The following ADCY1 variants were observed in gnomAD, a reference collection of about 807,000 sequenced individuals.
The protein encoded by ADCY1 is adenylate cyclase 1.
ADCY1 carries 28 observed loss-of-function variants against 105.4 expected under a neutral mutation model. The ratio of observed to expected loss-of-function variants is 0.27; its 90% CI spans 0.20 to 0.36. The LOEUF is 0.36. ADCY1 is among the 10% of genes least tolerant of loss of function. The pLI, the probability that ADCY1 is intolerant of heterozygous loss-of-function variation, is 1.00. For missense variants in ADCY1, 977 were observed against 1,434.2 expected (o/e 0.68, Z 5.15); for synonymous variants, 655 against 623.8 (o/e 1.05, Z -0.75).
intron 14 of ADCY1, among the ~76,000 whole-genome samples, chr7:45,700,787 CGTT>C (rs1385302547): frequency 3.3e-5 from 5 of 152,284 alleles, no homozygotes; most frequent in Middle Eastern, 3.4e-3. Flanking sequence ...GTAGTAAACA[CGTT>C]GTTGATTCCA....
chr7:45,654,086 G>A (rs1794880743), intron 5 of ADCY1, among the ~76,000 whole-genome samples: 1 of 152,220 alleles, frequency 6.6e-6, no homozygotes, highest in Admixed American at 6.5e-5. Flanking sequence ...GGCCTGCATG[G>A]ACTGGGTTCT....
rs779087253 is a variant in ADCY1 at position 45,710,697 on chromosome 7, A to C, written c.3057+45A>C. 6.4e-7 allele frequency: 1 copy of C among 1,570,614 alleles called. No homozygotes were observed. Among genetic ancestry groups the C allele is most frequent in the Middle Eastern group, 1.7e-4 (1 of 5,854 alleles). On this transcript the variant is annotated intron_variant, in intron 19 of 19. Transcript: ENST00000297323. This position sits in a 1 kb window ranked among gnomAD's most constrained non-coding sequence, Gnocchi z 4.7. ...CCTAAGGCATGGGTGCCCATTCTTCAGGTGAGGAAACTGAGGCACAGGGGG... is the reference window on the plus strand; with the variant it reads ...CCTAAGGCATGGGTGCCCATTCTTCCGGTGAGGAAACTGAGGCACAGGGGG...
Position 45,708,245 on chromosome 7 carries a change from A to G in ADCY1, c.2818-105A>G. The G allele has an allele frequency of 4.2e-6, 3 of 709,092 alleles. No individual in the cohort carries two copies. Among genetic ancestry groups the G allele is most frequent in the Non-Finnish European group, 7.6e-6 (3 of 396,264 alleles). 43.9% of individuals were successfully genotyped at this position (709,092 alleles called of 1,614,324 possible). On this transcript the variant is annotated intron_variant, in intron 17 of 19. Transcript: ENST00000297323. This position sits in a 1 kb window ranked among gnomAD's most constrained non-coding sequence, Gnocchi z 4.7. ...AATGTGCCTATAGCCAGGCACTCAG[A>G]GTGCCTTCCTCTGAAAGTGCAGCTG...
chr7:45,592,688 CG>C (rs1792957451), intron 1 of ADCY1, 70 bp from the exon 2 acceptor site: 1 of 1,595,152 alleles, frequency 6.3e-7, no homozygotes, highest in South Asian at 1.1e-5. Context: ...CTATGCTCTC[CG>C]GGCGGCCTAG....
At chr7:45,649,650 C>T (rs1459603137) in intron 5 of ADCY1, among the ~76,000 whole-genome samples, 2 of 152,222 alleles carry the variant, frequency 1.3e-5, no homozygotes, top group East Asian at 1.9e-4. Context: ...ATCACTGCCT[C>T]GTGGGCTGCC....
intron 3 of ADCY1, among the ~76,000 whole-genome samples, chr7:45,621,642 A>G (rs1429935333): frequency 1.3e-5 from 2 of 152,050 alleles, no homozygotes; most frequent in Non-Finnish European, 2.9e-5. Context: ...CCAATTCTGA[A>G]CCCTACTTCC....
chr7:45,689,202 C>T (rs1268446032), intron 14 of ADCY1, among the ~76,000 whole-genome samples: 1 of 152,032 alleles, frequency 6.6e-6, no homozygotes, highest in Non-Finnish European at 1.5e-5. Context: ...GTGGTGCGCT[C>T]ACTGTCAGCA....
intron 8 of ADCY1, among the ~76,000 whole-genome samples, chr7:45,676,105 C>A (rs1784452005): frequency 1.3e-5 from 2 of 151,334 alleles, no homozygotes; most frequent in Admixed American, 6.6e-5. Flanking sequence ...ATTTCTGTGA[C>A]TCTGTCTTCT....
Position 45,575,228 on chromosome 7 carries a change from T to C in ADCY1, c.639+46T>C. On this transcript the variant is annotated intron_variant, in intron 1 of 19. Coordinates refer to ENST00000297323, the MANE Select transcript of ADCY1 (RefSeq NM_021116.4). This position sits in a 1 kb window ranked among gnomAD's most constrained non-coding sequence, Gnocchi z 4.7. ...CTCATCTGGTCTCGGACACACTTGC[T>C]GGGACGATGCTGGGAATGCCCGGAG... 7.2e-6 allele frequency: 11 copies of C among 1,527,346 alleles called. No homozygotes were observed. Among genetic ancestry groups the C allele is most frequent in the Middle Eastern group, 2.4e-4 (1 of 4,118 alleles). 94.6% of individuals were successfully genotyped at this position (1,527,346 alleles called of 1,614,324 possible).
chr7:45,662,521 G>A (rs183119044), intron 8 of ADCY1, among the ~76,000 whole-genome samples: 1 of 152,172 alleles, frequency 6.6e-6, no homozygotes, highest in Admixed American at 6.5e-5. Flanking sequence ...TATTCATTCT[G>A]GACAGATGTG....
chr7:45,703,128 G>A lies in ADCY1; in HGVS notation c.2455-248G>A, dbSNP rs139300805. 4.5e-3 allele frequency among the ~76,000 whole-genome samples: 685 copies of A among 152,310 alleles called. 10 individuals carry two copies. Among genetic ancestry groups the A allele is most frequent in the South Asian group, 0.023 (113 of 4,824 alleles). ...GGGCAGGGCGGACCCTGGAAATGAGGTGAAGCCATAGTTTGTCCTTTGGAC... is the reference window on the plus strand; with the variant it reads ...GGGCAGGGCGGACCCTGGAAATGAGATGAAGCCATAGTTTGTCCTTTGGAC... On this transcript the variant is annotated intron_variant, in intron 14 of 19. Transcript: ENST00000297323. The surrounding 1 kb of genome is among the most constrained non-coding windows in gnomAD (Gnocchi z 5.9).
intron 14 of ADCY1, among the ~76,000 whole-genome samples, chr7:45,688,323 C>T (rs1243600801): frequency 6.6e-6 from 1 of 152,194 alleles, no homozygotes; most frequent in Admixed American, 6.5e-5. Context: ...TGGCCACGGG[C>T]CTTGTGCAAA....
intron 8 of ADCY1, chr7:45,664,541 A>C (rs1267186992): frequency 7.4e-7 from 1 of 1,346,150 alleles, no homozygotes; most frequent in Non-Finnish European, 9.7e-7. Context: ...ACAAAGATGC[A>C]CAAGGGAGAA....
At chr7:45,603,469 T>C (rs1409048761) in intron 2 of ADCY1, among the ~76,000 whole-genome samples, 1 of 152,226 alleles carries the variant, frequency 6.6e-6, no homozygotes, top group East Asian at 1.9e-4. Context: ...AATCTTTTTT[T>C]TTGTTTAAAT....
intron 5 of ADCY1, among the ~76,000 whole-genome samples, chr7:45,652,319 T>C (rs1490937132): frequency 1.3e-5 from 2 of 152,208 alleles, no homozygotes; most frequent in Non-Finnish European, 2.9e-5. Flanking sequence ...TGGAAGATTC[T>C]TGAAGCATCC....
intron 11 of ADCY1, among the ~76,000 whole-genome samples, chr7:45,683,752 C>T (rs954651832): frequency 2.0e-5 from 3 of 152,178 alleles, no homozygotes; most frequent in African/African-American, 7.2e-5. Flanking sequence ...TCAGGTCATG[C>T]GGTAACTTGG....
intron 1 of ADCY1, among the ~76,000 whole-genome samples, chr7:45,590,633 C>T (rs769174926): frequency 2.6e-5 from 4 of 152,138 alleles, no homozygotes; most frequent in Non-Finnish European, 5.9e-5. Context: ...GATGACAGCT[C>T]TGTCAAATGC....
At chr7:45,653,185 G>C (rs1447163838) in intron 5 of ADCY1, among the ~76,000 whole-genome samples, 1 of 152,182 alleles carries the variant, frequency 6.6e-6, no homozygotes. Context: ...TGACTGTGCT[G>C]GTCTTGCTCC....
At chr7:45,577,592 C>T (rs957859273) in intron 1 of ADCY1, among the ~76,000 whole-genome samples, 2 of 152,216 alleles carry the variant, frequency 1.3e-5, no homozygotes, top group African/African-American at 4.8e-5. Context: ...TGCAGTCACT[C>T]GTTGACAGCA....
Sources: gnomAD v4.1 joint callset for allele counts (sites outside exome capture counted in the v4.1 genomes callset) on GRCh38, gnomAD v4.1.1 for gene constraint, Gnocchi (gnomAD v3.1) non-coding constraint, MANE v1.5 for transcripts, NCBI Gene and HGNC (gene_info 2026-07-23, HGNC 2026-07-21) for gene names.